The following FAM83F variants were observed in gnomAD, a reference collection of about 807,000 sequenced individuals.
FAM83F encodes the protein scaffolding CK1 anchoring protein F.
In FAM83F, 45 loss-of-function variants were observed where a neutral mutation model predicts 42.9. That is an observed-to-expected ratio of 1.05 (90% CI 0.83 to 1.35). The LOEUF is 1.35. Among genes scored for constraint, FAM83F ranks in the 40% most tolerant of loss-of-function variants. FAM83F has a pLI of 0.00. For synonymous variants in FAM83F, 306 were observed against 298.3 expected, an observed-to-expected ratio of 1.03 and a Z score of -0.27; for missense variants, 617 against 695.9, an observed-to-expected ratio of 0.89 and a Z score of 1.28.
intron 4 of FAM83F, among the ~76,000 whole-genome samples, chr22:40,024,858 C>T (rs1251032361): frequency 1.3e-5 from 2 of 152,178 alleles, no homozygotes; most frequent in Non-Finnish European, 2.9e-5. Context: ...TTTGCAAACC[C>T]AGGTGTGGCC....
At chr22:40,028,066 A>G (rs1041525959) in intron 4 of FAM83F, among the ~76,000 whole-genome samples, 2 of 152,258 alleles carry the variant, frequency 1.3e-5, no homozygotes, top group Non-Finnish European at 2.9e-5. Context: ...GCCGCATTTC[A>G]TCCCACTAGC....
At chr22:40,011,588 G>A (rs1473592467) in intron 1 of FAM83F, among the ~76,000 whole-genome samples, 1 of 152,086 alleles carries the variant, frequency 6.6e-6, no homozygotes, top group African/African-American at 2.4e-5. Context: ...CCTGTAGTGT[G>A]TTTTTATTTA....
intron 4 of FAM83F, among the ~76,000 whole-genome samples, chr22:40,028,789 C>T (rs189138723): frequency 5.7e-4 from 87 of 152,344 alleles, no homozygotes; most frequent in Middle Eastern, 3.4e-3. Flanking sequence ...TTCAAAGGCG[C>T]GTCCTAAGCA....
intron 1 of FAM83F, among the ~76,000 whole-genome samples, chr22:40,000,303 GGCATGGCTGGCTGAGGTT>G (rs1243850368): frequency 6.6e-6 from 1 of 152,170 alleles, no homozygotes; most frequent in Non-Finnish European, 1.5e-5. Flanking sequence ...CAGAGCAGGA[GGCATGGCTGGCTGAGGTT>G]AGCAGCCTTG....
chr22:40,011,080 C>G (rs1422335659), intron 1 of FAM83F, among the ~76,000 whole-genome samples: 1 of 152,220 alleles, frequency 6.6e-6, no homozygotes, highest in East Asian at 1.9e-4. Flanking sequence ...CTCCTTCCCT[C>G]CCACTCCTTT....
At chr22:40,005,236 C>T (rs117014665) in intron 1 of FAM83F, among the ~76,000 whole-genome samples, 3,739 of 152,334 alleles carry the variant, frequency 0.025, 68 homozygotes, top group Middle Eastern at 0.095. Context: ...CTCGCTCTGT[C>T]CATGTACTTG....
In FAM83F at chr22:40,029,908, G is replaced by T. The variant is rs1422236350; in HGVS notation, c.*343G>T. The T allele has an allele frequency of 1.9e-5, 4 of 211,542 alleles. No individual in the cohort carries two copies. The highest frequency in any genetic ancestry group is 3.8e-5 in the Non-Finnish European group (4 of 104,490). The allele number at this position is 211,542 out of a possible 1,614,324, so 13.1% of individuals were successfully genotyped here. ...GAGGGCCCATTCTTTAAACCTTTAT[G>T]GGGTGGGGTGTCTGGGGCAGCTGCA... On this transcript the variant is annotated 3_prime_UTR_variant, in exon 5 of 5. Coordinates refer to ENST00000333407, the MANE Select transcript of FAM83F (RefSeq NM_138435.4).
At chr22:40,018,442 A>G (rs560126522) in intron 1 of FAM83F, among the ~76,000 whole-genome samples, 50 of 151,430 alleles carry the variant, frequency 3.3e-4, no homozygotes, top group African/African-American at 1.0e-3. Flanking sequence ...TCTTTATTCC[A>G]TTTTATTTAT....
chr22:40,022,601 T>A (rs900849968), intron 4 of FAM83F, among the ~76,000 whole-genome samples: 2 of 152,122 alleles, frequency 1.3e-5, no homozygotes, highest in African/African-American at 4.8e-5. Flanking sequence ...GTGGGATTGT[T>A]CCATGGCAGC....
chr22:40,035,670 TCCTATC>T lies in FAM83F; in HGVS notation c.*6106_*6111del, dbSNP rs2067619301. The T allele has an allele frequency of 6.6e-6, 1 of 152,228 alleles. No homozygotes were observed. Among genetic ancestry groups the T allele is most frequent in the Non-Finnish European group, 1.5e-5 (1 of 68,094 alleles). 9.4% of individuals were successfully genotyped at this position (152,228 alleles called of 1,614,324 possible). On this transcript the variant is annotated 3_prime_UTR_variant, in exon 5 of 5. Coordinates refer to ENST00000333407, the MANE Select transcript of FAM83F (RefSeq NM_138435.4). The stretch of plus-strand genomic sequence containing the variant: ...CAGAACAGGCAGGCAAGGGCTGAAA[TCCTATC>T]TCTGCCACCGAACAGCTAATGACCC...
intron 1 of FAM83F, among the ~76,000 whole-genome samples, chr22:40,007,054 C>T (rs1209047758): frequency 6.6e-6 from 1 of 151,982 alleles, no homozygotes; most frequent in African/African-American, 2.4e-5. Flanking sequence ...GTAACTTGCA[C>T]AAGGCCTCAC....
intron 1 of FAM83F, among the ~76,000 whole-genome samples, chr22:40,003,199 C>T (rs1465291701): frequency 6.6e-6 from 1 of 152,202 alleles, no homozygotes; most frequent in East Asian, 1.9e-4. Context: ...TGCCTAGTGA[C>T]ATTGAGGCAG....
chr22:40,019,415 G>A, intron 2 of FAM83F, 80 bp downstream of exon 2: 1 of 1,360,810 alleles, frequency 7.3e-7, no homozygotes, highest in Non-Finnish European at 1.0e-6. Flanking sequence ...GCTCCCCCCT[G>A]CCTCTTCCCT....
At chr22:40,026,120 G>A (rs1271544446) in intron 4 of FAM83F, among the ~76,000 whole-genome samples, 1 of 152,214 alleles carries the variant, frequency 6.6e-6, no homozygotes, top group Non-Finnish European at 1.5e-5. Flanking sequence ...CTGTGTCCGT[G>A]GCTGCCCAGG....
At position 40,036,976 on chromosome 22, in the gene FAM83F, T is replaced by C. The variant is rs2146251848; in HGVS notation, c.*7411T>C. ...ATAGCACTGAGGCACCCCTAGACAG[T>C]ACAGAAACAAGCAGGTGTGGCCATG... is the stretch of plus-strand genomic sequence containing the variant. On this transcript the variant is annotated 3_prime_UTR_variant, in exon 5 of 5. Transcript: ENST00000333407. 6.6e-6 allele frequency: 1 copy of C among 152,342 alleles called. No individual in the cohort carries two copies. The highest frequency in any genetic ancestry group is 1.5e-5 in the Non-Finnish European group (1 of 68,046). The allele number at this position is 152,342 out of a possible 1,614,324, so 9.4% of individuals were successfully genotyped here. A position where few individuals can be genotyped will look rare whatever the true frequency, so the allele number is the denominator to read the frequency against.
Position 40,032,249 on chromosome 22 carries a change from T to A in FAM83F, c.*2684T>A, listed in dbSNP as rs1480513503. On this transcript the variant is annotated 3_prime_UTR_variant, in exon 5 of 5. Transcript: ENST00000333407. ...GGTAAGTGTTCACAGCTGGTGCAGC[T>A]CTTTGGGAAACCTAACCTCCCAGTG... The A allele has an allele frequency of 6.7e-6, 1 of 149,262 alleles. No individual in the cohort carries two copies. Among genetic ancestry groups the A allele is most frequent in the Non-Finnish European group, 1.5e-5 (1 of 67,516 alleles). The allele number at this position is 149,262 out of a possible 1,614,324, so 9.2% of individuals were successfully genotyped here.
chr22:40,031,194 G>C lies in FAM83F; in HGVS notation c.*1629G>C, dbSNP rs1193400127. 2.6e-5 allele frequency: 4 copies of C among 151,656 alleles called. No individual in the cohort carries two copies. Among genetic ancestry groups the C allele is most frequent in the African/African-American group, 9.7e-5 (4 of 41,200 alleles). The allele number at this position is 151,656 out of a possible 1,614,324, so 9.4% of individuals were successfully genotyped here. A position where few individuals can be genotyped will look rare whatever the true frequency, so the allele number is the denominator to read the frequency against. Reference sequence around the variant, plus strand: ...AATGCTTCTGGGAAGTGTTTCCTTAGGCACCAAGACCAGGCAGTGTGGCAT... The same window carrying C: ...AATGCTTCTGGGAAGTGTTTCCTTACGCACCAAGACCAGGCAGTGTGGCAT... On this transcript the variant is annotated 3_prime_UTR_variant, in exon 5 of 5. Coordinates refer to ENST00000333407, the MANE Select transcript of FAM83F (RefSeq NM_138435.4).
rs1280772032 is a variant in FAM83F at position 40,034,769 on chromosome 22, T to C, written c.*5204T>C. On this transcript the variant is annotated 3_prime_UTR_variant, in exon 5 of 5. Transcript: ENST00000333407. The stretch of plus-strand genomic sequence containing the variant: ...GAGGTTCTAGAATTGATCATGACCC[T>C]TTCTGTCTCATTCCTGACTTCTAAT... 6.6e-6 allele frequency: 1 copy of C among 152,274 alleles called. No homozygotes were observed. The highest frequency in any genetic ancestry group is 1.5e-5 in the Non-Finnish European group (1 of 68,056). 9.4% of individuals were successfully genotyped at this position (152,274 alleles called of 1,614,324 possible).
chr22:40,008,051 T>C lies in FAM83F; in HGVS notation c.490-11117T>C, dbSNP rs149960233. 2.4e-3 allele frequency among the ~76,000 whole-genome samples: 361 copies of C among 152,354 alleles called. 1 individual carries two copies. Among genetic ancestry groups the C allele is most frequent in the African/African-American group, 8.3e-3 (344 of 41,586 alleles). On this transcript the variant is annotated intron_variant, in intron 1 of 4. Coordinates refer to ENST00000333407, the MANE Select transcript of FAM83F (RefSeq NM_138435.4). ...CATTGCGACATTCAGCATATGGGTG[T>C]AGACACCCGGTATGGCTGGGTGAAC...
Sources: allele counts gnomAD v4.1 joint callset (sites outside exome capture counted in the v4.1 genomes callset), GRCh38; gene constraint gnomAD v4.1.1; transcripts MANE v1.5; gene names NCBI Gene and HGNC (gene_info 2026-07-23, HGNC 2026-07-21).